Variants in CBR3 observed in about 807,000 individuals in gnomAD.
CBR3 encodes carbonyl reductase 3.
In CBR3, 14 loss-of-function variants were observed where a neutral mutation model predicts 11.6. The observed-to-expected ratio is 1.20, with a 90% CI of 0.79 to 1.88. The LOEUF (loss-of-function observed/expected upper bound fraction) is 1.88, where lower values mean the gene tolerates loss of function less well. CBR3 is among the 40% of genes most tolerant of loss of function. The pLI, the probability that CBR3 is intolerant of heterozygous loss-of-function variation, is 0.00. For missense variants in CBR3, 308 were observed against 357.3 expected (o/e 0.86, Z 1.11); for synonymous variants, 125 against 145.6 (o/e 0.86, Z 1.02).
At chr21:36,143,133 C>T (rs2065726525) in intron 2 of CBR3, among the ~76,000 whole-genome samples, 1 of 151,952 alleles carries the variant, frequency 6.6e-6, no homozygotes, top group South Asian at 2.1e-4. Context: ...GGTGAAACCC[C>T]ATCTCTCCTA....
rs546186254 is a variant in CBR3, at chr21:36,136,041, T to C, written c.289+560T>C. On this transcript the variant is annotated intron_variant, in intron 1 of 2. Coordinates refer to ENST00000290354, the MANE Select transcript of CBR3 (RefSeq NM_001236.4). ...GCAAAAAGGAAGCGAGCCTTCTCGT[T>C]CCCCCACCCCCGCCCGGGGAGCTTA... Among the ~76,000 whole-genome samples, 158 of 152,094 alleles carry C rather than the reference T, an allele frequency of 1.0e-3. 1 individual carries two copies. The highest frequency in any genetic ancestry group is 3.4e-3 in the Middle Eastern group (1 of 294).
intron 2 of CBR3, among the ~76,000 whole-genome samples, chr21:36,140,268 T>C (rs1041117558): frequency 2.6e-5 from 4 of 151,996 alleles, no homozygotes; most frequent in Non-Finnish European, 5.9e-5. Context: ...GATGAGATCA[T>C]AGAAAGCCTG....
intron 2 of CBR3, among the ~76,000 whole-genome samples, chr21:36,143,174 G>A (rs1277871147): frequency 1.3e-5 from 2 of 151,780 alleles, no homozygotes; most frequent in Admixed American, 6.6e-5. Flanking sequence ...GCATGGTGGC[G>A]CACACCTGTA....
chr21:36,139,280 C>T (rs115796089), intron 2 of CBR3, among the ~76,000 whole-genome samples: 203 of 151,988 alleles, frequency 1.3e-3, no homozygotes, highest in African/African-American at 4.5e-3. Context: ...GACAGCTGTG[C>T]TGGGGTACAG....
chr21:36,137,976 A>C (rs2065675565), intron 2 of CBR3, 44 bp downstream of exon 2: 1 of 1,066,364 alleles, frequency 9.4e-7, no homozygotes, highest in African/African-American at 1.6e-5. Context: ...CCTCAGTAAG[A>C]AGTGGGCTAC....
At chr21:36,136,047 A>G (rs1465797921) in intron 1 of CBR3, among the ~76,000 whole-genome samples, 1 of 151,482 alleles carries the variant, frequency 6.6e-6, no homozygotes, top group Non-Finnish European at 1.5e-5. Context: ...TCGTTCCCCC[A>G]CCCCCGCCCG....
At chr21:36,143,260 G>A (rs182708557) in intron 2 of CBR3, among the ~76,000 whole-genome samples, 182 of 151,572 alleles carry the variant, frequency 1.2e-3, no homozygotes, top group African/African-American at 4.1e-3. Flanking sequence ...CTGAGATCGC[G>A]CCACTGCACT....
intron 2 of CBR3, chr21:36,141,918 T>C (rs1196506257): frequency 4.1e-6 from 4 of 984,138 alleles, no homozygotes; most frequent in Non-Finnish European, 4.8e-6. Flanking sequence ...ATTTAATTCC[T>C]TGTAGCCGCC....
chr21:36,141,853 C>T, intron 2 of CBR3: 1 of 860,700 alleles, frequency 1.2e-6, no homozygotes, highest in Non-Finnish European at 1.4e-6. Context: ...GGATTTATTT[C>T]CTCGAAGGCA....
Position 36,137,805 on chromosome 21 carries a change from T to C in CBR3, c.290-20T>C. On this transcript the variant is annotated intron_variant, in intron 1 of 2. Coordinates refer to ENST00000290354, the MANE Select transcript of CBR3 (RefSeq NM_001236.4). ...GGGGAAAAATATGACTTTCTTTTTG[T>C]TTCTTTCTCTTTTTGAAAGGTGATG... is the stretch of plus-strand genomic sequence containing the variant. The C allele has an allele frequency of 7.1e-7, 1 of 1,417,908 alleles. No homozygotes were observed. The highest frequency in any genetic ancestry group is 2.3e-5 in the East Asian group (1 of 43,922). The allele number at this position is 1,417,908 out of a possible 1,614,324, so 87.8% of individuals were successfully genotyped here. A position where few individuals can be genotyped will look rare whatever the true frequency, so the allele number is the denominator to read the frequency against.
chr21:36,139,317 T>A (rs1289189777), intron 2 of CBR3, among the ~76,000 whole-genome samples: 1 of 152,102 alleles, frequency 6.6e-6, no homozygotes, highest in Non-Finnish European at 1.5e-5. Context: ...GAGGATTTTA[T>A]TCCCCAAGAA....
intron 2 of CBR3, among the ~76,000 whole-genome samples, chr21:36,144,000 T>C (rs1197526174): frequency 2.6e-5 from 4 of 152,072 alleles, no homozygotes; most frequent in Non-Finnish European, 2.9e-5. Context: ...TCCTTACTGC[T>C]GGTTGTGGCA....
chr21:36,137,495 AAAGAAAGAAAGGAAGGAAGG>A (rs2065668734), intron 1 of CBR3: 2 of 183,024 alleles, frequency 1.1e-5, no homozygotes, highest in South Asian at 1.1e-4. Flanking sequence ...AAAGAAAAGA[AAAGAAAGAAAGGAAGGAAGG>A]AAGGAAGGAA....
At chr21:36,139,534 G>A (rs1441865423) in intron 2 of CBR3, among the ~76,000 whole-genome samples, 3 of 151,718 alleles carry the variant, frequency 2.0e-5, no homozygotes, top group East Asian at 1.9e-4. Flanking sequence ...GGCGTGTGCC[G>A]CTACGCCCGG....
At chr21:36,139,931 A>G (rs2065695984) in intron 2 of CBR3, among the ~76,000 whole-genome samples, 1 of 112,912 alleles carries the variant, frequency 8.9e-6, no homozygotes, top group Non-Finnish European at 1.7e-5. Flanking sequence ...TCCGTCGCCC[A>G]GACTGGAGTG....
intron 1 of CBR3, chr21:36,137,359 C>T: frequency 6.4e-6 from 1 of 155,226 alleles, no homozygotes; most frequent in Non-Finnish European, 1.4e-5. Flanking sequence ...GCCTGTAATC[C>T]CAGCTACTCC....
rs1056190821 is a variant in CBR3 at position 36,145,947 on chromosome 21, C to T, written c.398-129C>T. 37 of 675,044 alleles carry T rather than the reference C, an allele frequency of 5.5e-5. No homozygotes were observed. In the East Asian group the frequency reaches 5.9e-4, roughly 11 times the overall value. 41.8% of individuals were successfully genotyped at this position (675,044 alleles called of 1,614,324 possible). On this transcript the variant is annotated intron_variant, in intron 2 of 2. Transcript: ENST00000290354. ...GTGCACTCTAGCCTGGGCAACAGGGCGAGACTCTGTCTCAAAAAAAAAAAA... is the reference window on the plus strand; with the variant it reads ...GTGCACTCTAGCCTGGGCAACAGGGTGAGACTCTGTCTCAAAAAAAAAAAA...
intron 2 of CBR3, chr21:36,138,228 A>T (rs1601351077): frequency 4.5e-6 from 1 of 221,302 alleles, no homozygotes; most frequent in Non-Finnish European, 8.9e-6. Context: ...GCTCACTGCA[A>T]CCTCCACCTC....
chr21:36,144,580 T>C (rs923775122), intron 2 of CBR3, among the ~76,000 whole-genome samples: 1 of 65,976 alleles, frequency 1.5e-5, no homozygotes, highest in African/African-American at 6.7e-5. Flanking sequence ...TGAGCCGAGA[T>C]TGTGCCACTG....
Sources: gnomAD v4.1 joint callset for allele counts (sites outside exome capture counted in the v4.1 genomes callset) on GRCh38, gnomAD v4.1.1 for gene constraint, MANE v1.5 for transcripts, NCBI Gene and HGNC (gene_info 2026-07-23, HGNC 2026-07-21) for gene names.